MYRIP: variants seen among roughly 807,000 people sequenced by gnomAD.
MYRIP encodes the protein rab effector MyRIP.
Under a neutral mutation model 98.0 loss-of-function variants are expected in MYRIP, and 49 were observed. The ratio of observed to expected loss-of-function variants is 0.50; its 90% CI spans 0.40 to 0.63. The LOEUF (loss-of-function observed/expected upper bound fraction) is 0.63, where lower values mean the gene tolerates loss of function less well. MYRIP is among the 30% of genes least tolerant of loss of function. The pLI, the probability that MYRIP is intolerant of heterozygous loss-of-function variation, is 0.00. For synonymous variants in MYRIP, 404 were observed against 409.5 expected (o/e 0.99, Z 0.16); for missense variants, 1,004 against 1,058.2 (o/e 0.95, Z 0.71).
rs191222769 is a variant in MYRIP at position 40,065,438 on chromosome 3, A to G, written c.332+21167A>G. 1.4e-3 allele frequency among the ~76,000 whole-genome samples: 214 copies of G among 150,502 alleles called. 1 individual carries two copies. The highest frequency in any genetic ancestry group is 5.1e-3 in the African/African-American group (209 of 41,000). On this transcript the variant is annotated intron_variant, in intron 3 of 16. Coordinates refer to ENST00000302541, the MANE Select transcript of MYRIP (RefSeq NM_015460.4). ...GAAGAAGCATAATTCAACCCACAAC[A>G]TGCTGTGGGATTTTCTGTGTTTTTT... is the stretch of plus-strand genomic sequence containing the variant.
intron 1 of MYRIP, among the ~76,000 whole-genome samples, chr3:39,870,671 GA>G (rs1263525175): frequency 4.6e-5 from 7 of 152,274 alleles, no homozygotes; most frequent in African/African-American, 1.4e-4. Flanking sequence ...TGCAAAATCA[GA>G]TTTAAATTTC....
intron 2 of MYRIP, among the ~76,000 whole-genome samples, chr3:39,925,065 A>G (rs1944390316): frequency 6.6e-6 from 1 of 151,616 alleles, no homozygotes; most frequent in South Asian, 2.1e-4. Flanking sequence ...AAAGAGCAAA[A>G]TAAACCCAAA....
At chr3:40,004,028 G>A (rs753505098) in intron 2 of MYRIP, among the ~76,000 whole-genome samples, 1 of 152,122 alleles carries the variant, frequency 6.6e-6, no homozygotes, top group Non-Finnish European at 1.5e-5. Context: ...AGAGTTGATA[G>A]CTCTCCTGGG....
chr3:39,906,647 A>G (rs1020552557), intron 2 of MYRIP, among the ~76,000 whole-genome samples: 1 of 152,192 alleles, frequency 6.6e-6, no homozygotes, highest in Non-Finnish European at 1.5e-5. Flanking sequence ...TTCAAATAGT[A>G]GAAAAAAATA....
At position 39,901,180 on chromosome 3, in the gene MYRIP, A is replaced by C. The variant is rs77300028; in HGVS notation, c.110+254A>C. Reference sequence around the variant, plus strand: ...TCATTACTAGCTATAGAATGAGTGGAGCTTGTGGTGAACACGCTGCCTTGA... The same window carrying C: ...TCATTACTAGCTATAGAATGAGTGGCGCTTGTGGTGAACACGCTGCCTTGA... On this transcript the variant is annotated intron_variant, in intron 2 of 16. Transcript: ENST00000302541. 9.2e-3 allele frequency among the ~76,000 whole-genome samples: 1,394 copies of C among 152,332 alleles called. 27 individuals are homozygous for C. Among genetic ancestry groups the C allele is most frequent in the African/African-American group, 0.032 (1,318 of 41,558 alleles).
chr3:40,133,509 G>A (rs1371944058), intron 3 of MYRIP, among the ~76,000 whole-genome samples: 1 of 152,226 alleles, frequency 6.6e-6, no homozygotes, highest in African/African-American at 2.4e-5. Flanking sequence ...AAAGATTTAT[G>A]CTTAGAGAAG....
intron 3 of MYRIP, among the ~76,000 whole-genome samples, chr3:40,124,835 G>A (rs937418320): frequency 2.7e-4 from 41 of 152,286 alleles, no homozygotes; most frequent in African/African-American, 9.6e-4. Flanking sequence ...TTCTTAAGTG[G>A]CTGGCCTTGC....
chr3:40,069,681 A>G (rs566381187), intron 3 of MYRIP, among the ~76,000 whole-genome samples: 2 of 152,298 alleles, frequency 1.3e-5, no homozygotes, highest in African/African-American at 2.4e-5. Flanking sequence ...GGAATCATAC[A>G]GTAGTTTGCC....
chr3:39,855,935 C>T (rs764132996), intron 1 of MYRIP, among the ~76,000 whole-genome samples: 9 of 152,174 alleles, frequency 5.9e-5, no homozygotes, highest in Non-Finnish European at 8.8e-5. Context: ...CTTCTTGAGG[C>T]CCCCTGTGAG....
chr3:40,226,519 C>T (rs1952495932), intron 11 of MYRIP, among the ~76,000 whole-genome samples: 1 of 152,186 alleles, frequency 6.6e-6, no homozygotes, highest in East Asian at 1.9e-4. Flanking sequence ...CTCCCCAGCC[C>T]TCAATCTGTT....
At chr3:40,113,239 G>T (rs1575547308) in intron 3 of MYRIP, among the ~76,000 whole-genome samples, 1 of 152,196 alleles carries the variant, frequency 6.6e-6, no homozygotes, top group Non-Finnish European at 1.5e-5. Flanking sequence ...TACCTCCTGG[G>T]TTCAAGCAGT....
chr3:39,888,338 T>A (rs1356249004), intron 1 of MYRIP, among the ~76,000 whole-genome samples: 1 of 151,552 alleles, frequency 6.6e-6, no homozygotes, highest in Non-Finnish European at 1.5e-5. Context: ...GAGATATAGA[T>A]CAATGGAACA....
At chr3:40,217,319 C>A (rs1245587180) in intron 11 of MYRIP, among the ~76,000 whole-genome samples, 1 of 152,074 alleles carries the variant, frequency 6.6e-6, no homozygotes, top group Middle Eastern at 3.2e-3. Context: ...GAATAGACAT[C>A]AAAAATTCTC....
chr3:40,137,524 A>ACC (rs1455520041), intron 3 of MYRIP, among the ~76,000 whole-genome samples: 1 of 152,196 alleles, frequency 6.6e-6, no homozygotes, highest in African/African-American at 2.4e-5. Context: ...ATCCTCCCTA[A>ACC]CTCATTTTAT....
At chr3:40,245,791 A>G (rs1263786840) in intron 13 of MYRIP, among the ~76,000 whole-genome samples, 1 of 126,278 alleles carries the variant, frequency 7.9e-6, no homozygotes, top group African/African-American at 3.3e-5. Context: ...TCTGTCACCC[A>G]GGCTGGAGTA....
At chr3:39,874,807 T>G (rs1320264467) in intron 1 of MYRIP, among the ~76,000 whole-genome samples, 1 of 152,162 alleles carries the variant, frequency 6.6e-6, no homozygotes, top group Non-Finnish European at 1.5e-5. Context: ...ATTCTCTTTT[T>G]TGGTTGTGTC....
chr3:39,952,478 T>C (rs1049270813), intron 2 of MYRIP, among the ~76,000 whole-genome samples: 37 of 152,228 alleles, frequency 2.4e-4, no homozygotes, highest in Non-Finnish European at 1.0e-4. Flanking sequence ...TATATTACAT[T>C]AATTGGATTT....
At chr3:39,926,550 A>G (rs931423397) in intron 2 of MYRIP, among the ~76,000 whole-genome samples, 1 of 152,060 alleles carries the variant, frequency 6.6e-6, no homozygotes, top group African/African-American at 2.4e-5. Flanking sequence ...TCTTCTGCTT[A>G]TGGCTAGGCA....
intron 13 of MYRIP, among the ~76,000 whole-genome samples, chr3:40,248,627 G>T (rs1440551011): frequency 3.3e-5 from 5 of 152,166 alleles, no homozygotes. Flanking sequence ...GAAGAGGTCA[G>T]CAGCTTGCTT....
Sources: allele counts gnomAD v4.1 joint callset (sites outside exome capture counted in the v4.1 genomes callset), GRCh38; gene constraint gnomAD v4.1.1; transcripts MANE v1.5; gene names NCBI Gene and HGNC (gene_info 2026-07-23, HGNC 2026-07-21).